Variants in UGT8 observed in about 807,000 individuals in gnomAD.
The protein encoded by UGT8 is UDP glycosyltransferase 8, also known as 2-hydroxyacylsphingosine 1-beta-galactosyltransferase.
UGT8 carries 12 observed loss-of-function variants against 40.5 expected under a neutral mutation model. That is an observed-to-expected ratio of 0.30 (90% CI 0.19 to 0.48). The LOEUF is 0.48. UGT8 is among the 20% of genes least tolerant of loss of function. The pLI is 0.99. For missense variants in UGT8, 513 were observed against 648.7 expected (o/e 0.79, Z 2.27); for synonymous variants, 224 against 240.4 (o/e 0.93, Z 0.63).
intron 2 of UGT8, among the ~76,000 whole-genome samples, chr4:114,634,033 G>A (rs146108492): frequency 6.6e-6 from 1 of 152,262 alleles, no homozygotes; most frequent in African/African-American, 2.4e-5. Flanking sequence ...GGTGAATGTT[G>A]CAGTAGCTCA....
intron 2 of UGT8, among the ~76,000 whole-genome samples, chr4:114,652,396 A>T (rs74679973): frequency 1.4e-5 from 2 of 144,200 alleles, no homozygotes; most frequent in Non-Finnish European, 3.1e-5. Context: ...TCTCATGGGT[A>T]TTTTTTTTTT....
intron 2 of UGT8, among the ~76,000 whole-genome samples, chr4:114,656,520 G>A (rs1277817848): frequency 1.3e-5 from 2 of 152,128 alleles, no homozygotes; most frequent in African/African-American, 4.8e-5. Flanking sequence ...CAAAGACTTA[G>A]ATTACTATTA....
At chr4:114,601,343 A>G (rs1460249565) in intron 1 of UGT8, among the ~76,000 whole-genome samples, 1 of 152,190 alleles carries the variant, frequency 6.6e-6, no homozygotes, top group Non-Finnish European at 1.5e-5. Context: ...CCCATCTTCA[A>G]TCCTCAAATC....
chr4:114,630,400 G>A (rs900722534), intron 2 of UGT8, among the ~76,000 whole-genome samples: 1 of 152,188 alleles, frequency 6.6e-6, no homozygotes, highest in Admixed American at 6.5e-5. Flanking sequence ...TGAGAGCCAC[G>A]ACAATACCTG....
At chr4:114,666,989 C>T (rs1041180401) in intron 4 of UGT8, among the ~76,000 whole-genome samples, 1 of 152,146 alleles carries the variant, frequency 6.6e-6, no homozygotes, top group Non-Finnish European at 1.5e-5. Flanking sequence ...CCTCTTTACA[C>T]AGCAGCTCTG....
intron 2 of UGT8, among the ~76,000 whole-genome samples, chr4:114,628,479 T>A (rs1732377847): frequency 6.6e-6 from 1 of 152,028 alleles, no homozygotes; most frequent in Non-Finnish European, 1.5e-5. Flanking sequence ...ACTATTCTAA[T>A]GTTACTGATA....
chr4:114,634,963 T>TA (rs1479253658), intron 2 of UGT8, among the ~76,000 whole-genome samples: 4 of 152,092 alleles, frequency 2.6e-5, no homozygotes, highest in Non-Finnish European at 5.9e-5. Context: ...GCTGGAGTCT[T>TA]GCAGAGGATG....
intron 1 of UGT8, 100 bp downstream of exon 1, chr4:114,599,074 T>G: frequency 2.2e-5 from 1 of 44,454 alleles, no homozygotes; most frequent in Non-Finnish European, 4.1e-5. Flanking sequence ...GCCGGGCGAA[T>G]GGCTGCTGTC....
At position 114,621,055 on chromosome 4, in the gene UGT8, G is replaced by A. The variant is rs527562469; in HGVS notation, c.-2-1824G>A. Among the ~76,000 whole-genome samples the A allele has an allele frequency of 1.8e-4, 28 of 152,188 alleles. No homozygotes were observed. In the South Asian group the frequency reaches 5.8e-3, roughly 32 times the overall value. On this transcript the variant is annotated intron_variant, in intron 1 of 5. Transcript: ENST00000310836. ...GTCTAAGAATTCATTATATTGAATAGGTTGGTGGGTGTATTTGCACACTAT... is the reference window on the plus strand; with the variant it reads ...GTCTAAGAATTCATTATATTGAATAAGTTGGTGGGTGTATTTGCACACTAT...
intron 2 of UGT8, among the ~76,000 whole-genome samples, chr4:114,653,412 G>T (rs1733999542): frequency 6.6e-6 from 1 of 152,060 alleles, no homozygotes. Flanking sequence ...ATCTATTTGA[G>T]TGATTTACCC....
chr4:114,612,645 C>A (rs1731162495), intron 1 of UGT8, among the ~76,000 whole-genome samples: 1 of 152,018 alleles, frequency 6.6e-6, no homozygotes, highest in Admixed American at 6.6e-5. Flanking sequence ...ATTTGCTTAA[C>A]CATGTTATTG....
At chr4:114,638,012 G>T (rs1732993332) in intron 2 of UGT8, among the ~76,000 whole-genome samples, 1 of 152,120 alleles carries the variant, frequency 6.6e-6, no homozygotes, top group Non-Finnish European at 1.5e-5. Flanking sequence ...ACCTCTGGCA[G>T]ATTTTTTTGA....
chr4:114,642,618 C>G (rs543023398), intron 2 of UGT8, among the ~76,000 whole-genome samples: 30 of 152,220 alleles, frequency 2.0e-4, no homozygotes, highest in African/African-American at 6.5e-4. Context: ...TAAACTAGCC[C>G]TCATCACTGC....
At chr4:114,657,344 G>C (rs1159670799) in intron 2 of UGT8, among the ~76,000 whole-genome samples, 1 of 152,076 alleles carries the variant, frequency 6.6e-6, no homozygotes. Flanking sequence ...AAGAAAAACC[G>C]ATACTGCAGA....
At chr4:114,670,854 A>G (rs1735222168) in intron 5 of UGT8, among the ~76,000 whole-genome samples, 1 of 152,206 alleles carries the variant, frequency 6.6e-6, no homozygotes, top group Non-Finnish European at 1.5e-5. Context: ...GTATTCAAAT[A>G]GGAAGAGAGG....
At chr4:114,622,631 T>C (rs546853534) in intron 1 of UGT8, 3 of 358,254 alleles carry the variant, frequency 8.4e-6, no homozygotes, top group Non-Finnish European at 1.5e-5. Flanking sequence ...ATTGCCATTC[T>C]AACTGGTGTG....
At chr4:114,639,444 A>G (rs1420143461) in intron 2 of UGT8, among the ~76,000 whole-genome samples, 1 of 152,220 alleles carries the variant, frequency 6.6e-6, no homozygotes, top group Non-Finnish European at 1.5e-5. Context: ...TTATGTATCC[A>G]GAAAGTGGTG....
At chr4:114,623,925 T>G (rs1482274883) in intron 2 of UGT8, 3 of 217,748 alleles carry the variant, frequency 1.4e-5, no homozygotes, top group Non-Finnish European at 2.3e-5. Flanking sequence ...AAGACCACTA[T>G]GCCATATGGT....
chr4:114,652,738 G>C (rs1184408720), intron 2 of UGT8, among the ~76,000 whole-genome samples: 1 of 151,924 alleles, frequency 6.6e-6, no homozygotes, highest in Non-Finnish European at 1.5e-5. Context: ...CTCTTGGCAG[G>C]TCAGTTCCTT....
Sources: gnomAD v4.1 joint callset for allele counts (sites outside exome capture counted in the v4.1 genomes callset) on GRCh38, gnomAD v4.1.1 for gene constraint, MANE v1.5 for transcripts, NCBI Gene and HGNC (gene_info 2026-07-23, HGNC 2026-07-21) for gene names.